Variants in IL20RA observed in about 807,000 individuals in gnomAD.
The protein encoded by IL20RA is interleukin 20 receptor subunit alpha, also known as interleukin-20 receptor subunit alpha.
Under a neutral mutation model 36.5 loss-of-function variants are expected in IL20RA, and 29 were observed. The ratio of observed to expected loss-of-function variants is 0.79; its 90% confidence interval spans 0.59 to 1.08. The LOEUF (loss-of-function observed/expected upper bound fraction) is 1.08, where lower values mean the gene tolerates loss of function less well. Ranked by LOEUF, IL20RA falls within the 50% of genes least tolerant of loss-of-function variation. The pLI, the probability that IL20RA is intolerant of heterozygous loss-of-function variation, is 0.00. For missense variants in IL20RA, 652 were observed against 668.4 expected, an observed-to-expected ratio of 0.98 and a Z score of 0.27; for synonymous variants, 279 against 267.1, an observed-to-expected ratio of 1.04 and a Z score of -0.43.
intron 1 of IL20RA, among the ~76,000 whole-genome samples, chr6:137,022,050 CA>C (rs1775925969): frequency 6.6e-6 from 1 of 152,096 alleles, no homozygotes; most frequent in Non-Finnish European, 1.5e-5. Context: ...ACTCACATGC[CA>C]GCGTTGTAAA....
In IL20RA at chr6:137,044,780, C is replaced by G; in HGVS notation, c.-52G>C. On this transcript the variant is annotated 5_prime_UTR_variant, in exon 1 of 7. Coordinates refer to ENST00000316649, the MANE Select transcript of IL20RA (RefSeq NM_014432.4). Reference sequence around the variant, plus strand: ...GGGGGCAGCAGACTGCTCAGTCCCACGCCCGCTGGGGCCAAGCGCGGCCGC... The same window carrying G: ...GGGGGCAGCAGACTGCTCAGTCCCAGGCCCGCTGGGGCCAAGCGCGGCCGC... 3 of 1,206,268 alleles carry G rather than the reference C, an allele frequency of 2.5e-6. No individual in the cohort carries two copies. The highest frequency in any genetic ancestry group is 3.1e-6 in the Non-Finnish European group (3 of 971,410). 74.7% of individuals were successfully genotyped at this position (1,206,268 alleles called of 1,614,324 possible). A position where few individuals can be genotyped will look rare whatever the true frequency, so the allele number is the denominator to read the frequency against.
intron 1 of IL20RA, among the ~76,000 whole-genome samples, chr6:137,029,096 A>C (rs1226283667): frequency 6.6e-6 from 1 of 152,218 alleles, no homozygotes; most frequent in African/African-American, 2.4e-5. Context: ...TTTTGTGTGT[A>C]GCCTCCCATA....
chr6:137,044,611 G>A (rs1776833129), intron 1 of IL20RA, 30 bp downstream of exon 1: 3 of 1,219,296 alleles, frequency 2.5e-6, no homozygotes, highest in African/African-American at 3.1e-5. Flanking sequence ...AGGCATCCCC[G>A]ACCCGCACCT....
At chr6:137,026,101 T>C (rs1392076414) in intron 1 of IL20RA, among the ~76,000 whole-genome samples, 1 of 152,240 alleles carries the variant, frequency 6.6e-6, no homozygotes, top group Non-Finnish European at 1.5e-5. Context: ...TTCAAGTTTC[T>C]GAAGCTTATG....
At chr6:137,017,932 T>A (rs1450033094) in intron 1 of IL20RA, among the ~76,000 whole-genome samples, 1 of 152,046 alleles carries the variant, frequency 6.6e-6, no homozygotes, top group East Asian at 1.9e-4. Context: ...GCAAAGATAA[T>A]CCTTGGATTA....
intron 5 of IL20RA, among the ~76,000 whole-genome samples, chr6:137,006,481 AT>A (rs1164035016): frequency 6.6e-6 from 1 of 152,228 alleles, no homozygotes; most frequent in Non-Finnish European, 1.5e-5. Context: ...GACTGATAGC[AT>A]TTAGTATACA....
intron 1 of IL20RA, among the ~76,000 whole-genome samples, chr6:137,025,654 T>C (rs1437983968): frequency 6.6e-6 from 1 of 152,274 alleles, no homozygotes; most frequent in South Asian, 2.1e-4. Flanking sequence ...TTATCATTAG[T>C]GGAGTTTTAT....
intron 6 of IL20RA, 55 bp downstream of exon 6, chr6:137,004,566 G>A: frequency 6.6e-7 from 1 of 1,505,454 alleles, no homozygotes; most frequent in Non-Finnish European, 9.2e-7. Context: ...CTCCTCTTCT[G>A]TCCTCCTGGA....
At chr6:137,026,479 T>C (rs6910799) in intron 1 of IL20RA, among the ~76,000 whole-genome samples, 5,141 of 152,326 alleles carry the variant, frequency 0.034, 107 homozygotes, top group African/African-American at 0.047. Flanking sequence ...AGCTGCGTTT[T>C]AATGAAGGCA....
intron 6 of IL20RA, 83 bp from the exon 7 acceptor site, chr6:137,002,438 CCAGA>C (rs1285641569): frequency 6.6e-6 from 6 of 905,722 alleles, no homozygotes; most frequent in Admixed American, 2.8e-5. Context: ...TATCTTGTCA[CCAGA>C]CAGTTTTAAA....
chr6:137,018,507 C>CGTGTGT (rs1167012234), intron 1 of IL20RA, among the ~76,000 whole-genome samples: 1 of 89,134 alleles, frequency 1.1e-5, no homozygotes, highest in African/African-American at 4.2e-5. Flanking sequence ...TGACCACTGC[C>CGTGTGT]GTGTGCGTGT....
rs531501235 is a variant in IL20RA, at chr6:137,004,159, C to CGTTTTTTTTTTTTTT, written c.864+461_864+462insAAAAAAAAAAAAAAC. Among the ~76,000 whole-genome samples the CGTTTTTTTTTTTTTT allele has an allele frequency of 4.7e-4, 41 of 88,000 alleles. 19 individuals carry two copies. Among genetic ancestry groups the CGTTTTTTTTTTTTTT allele is most frequent in the Admixed American group, 5.2e-4 (4 of 7,684 alleles). 57.7% of individuals were successfully genotyped at this position (88,000 alleles called of 152,430 possible). On this transcript the variant is annotated intron_variant, in intron 6 of 6. Transcript: ENST00000316649. ...TCTGTTAGTCAGCTAATCCAGAAAGCTTTTTTTTTTTTTTTTTTTTTTTTT... is the reference window on the plus strand; with the variant it reads ...TCTGTTAGTCAGCTAATCCAGAAAGCGTTTTTTTTTTTTTTTTTTTTTTTTTTTTTTTTTTTTTTT...
rs901365616 is a variant in IL20RA at position 137,000,573 on chromosome 6, A to G, written c.*985T>C. ...CAAATTTTAATAAACTCTCCCTTAC[A>G]TAGTCATTTAACTCATTTCTCTTGT... is the stretch of plus-strand genomic sequence containing the variant. On this transcript the variant is annotated 3_prime_UTR_variant, in exon 7 of 7. Coordinates refer to ENST00000316649, the MANE Select transcript of IL20RA (RefSeq NM_014432.4). 2.0e-5 allele frequency: 3 copies of G among 152,208 alleles called. No homozygotes were observed. Among genetic ancestry groups the G allele is most frequent in the Non-Finnish European group, 2.9e-5 (2 of 68,040 alleles). The allele number at this position is 152,208 out of a possible 1,614,324, so 9.4% of individuals were successfully genotyped here.
In IL20RA at chr6:136,999,982, A is replaced by G. The variant is rs904304594; in HGVS notation, c.*1576T>C. On this transcript the variant is annotated 3_prime_UTR_variant, in exon 7 of 7. Transcript: ENST00000316649. The stretch of plus-strand genomic sequence containing the variant: ...TTAATAAGCAGAACTATCATCAATC[A>G]CTTTATTTTTCTTTTGCTCTTAATA... The G allele has an allele frequency of 2.6e-5, 4 of 152,230 alleles. No individual in the cohort carries two copies. The highest frequency in any genetic ancestry group is 2.6e-4 in the Admixed American group (4 of 15,282). The allele number at this position is 152,230 out of a possible 1,614,324, so 9.4% of individuals were successfully genotyped here.
intron 1 of IL20RA, chr6:137,044,218 G>A (rs1418431981): frequency 7.1e-6 from 7 of 987,736 alleles, no homozygotes; most frequent in African/African-American, 3.5e-5. Context: ...GCCGAGACGC[G>A]GCATCCACAG....
intron 1 of IL20RA, among the ~76,000 whole-genome samples, chr6:137,023,771 T>C (rs1024309346): frequency 7.9e-5 from 12 of 152,184 alleles, no homozygotes; most frequent in Admixed American, 7.9e-4. Flanking sequence ...CATGCTTTTA[T>C]CTATTTTGAT....
chr6:137,038,381 T>A (rs1434816088), intron 1 of IL20RA, among the ~76,000 whole-genome samples: 1 of 151,668 alleles, frequency 6.6e-6, no homozygotes, highest in Non-Finnish European at 1.5e-5. Flanking sequence ...TTTTTGAAAT[T>A]TTTTTGTAGA....
In IL20RA at chr6:137,000,942, G is replaced by A. The variant is rs542138007; in HGVS notation, c.*616C>T. On this transcript the variant is annotated 3_prime_UTR_variant, in exon 7 of 7. Transcript: ENST00000316649. Reference sequence around the variant, plus strand: ...TTTACACTCCAGAACTACTCATAAAGTATTAAAGATGGCCTCTTAAAGTAG... The same window carrying A: ...TTTACACTCCAGAACTACTCATAAAATATTAAAGATGGCCTCTTAAAGTAG... The A allele has an allele frequency of 1.7e-4, 26 of 152,324 alleles. No individual in the cohort carries two copies. Among genetic ancestry groups the A allele is most frequent in the African/African-American group, 6.3e-4 (26 of 41,576 alleles). 9.4% of individuals were successfully genotyped at this position (152,324 alleles called of 1,614,324 possible). A position where few individuals can be genotyped will look rare whatever the true frequency, so the allele number is the denominator to read the frequency against.
intron 1 of IL20RA, among the ~76,000 whole-genome samples, chr6:137,038,926 TAC>T (rs1380998444): frequency 1.3e-5 from 2 of 152,218 alleles, no homozygotes; most frequent in East Asian, 3.8e-4. Context: ...CATAGAGATA[TAC>T]AGTTTCATTA....
Sources: allele counts gnomAD v4.1 joint callset (sites outside exome capture counted in the v4.1 genomes callset), GRCh38; gene constraint gnomAD v4.1.1; transcripts MANE v1.5; gene names NCBI Gene and HGNC (gene_info 2026-07-23, HGNC 2026-07-21).